Variants in TMEM128 observed in about 807,000 individuals in gnomAD.
TMEM128 encodes the protein transmembrane protein 128.
Under a neutral mutation model 19.7 loss-of-function variants are expected in TMEM128, and 16 were observed. The ratio of observed to expected loss-of-function variants is 0.81; its 90% CI spans 0.55 to 1.23. The LOEUF is 1.23. Among genes scored for constraint, TMEM128 ranks in the 50% most tolerant of loss-of-function variants. The probability of loss-of-function intolerance (pLI) is 0.00; values close to 1 mark genes in which losing one functional copy is unlikely to be tolerated. For missense variants in TMEM128, 237 were observed against 200.8 expected, an observed-to-expected ratio of 1.18 and a Z score of -1.09; for synonymous variants, 98 against 75.8, an observed-to-expected ratio of 1.29 and a Z score of -1.52.
At position 4,240,436 on chromosome 4, in the gene TMEM128, T is replaced by A; in HGVS notation, c.283A>T (p.Ile95Phe). 1 of 1,613,864 alleles carries A rather than the reference T, an allele frequency of 6.2e-7. No homozygotes were observed. The highest frequency in any genetic ancestry group is 8.5e-7 in the Non-Finnish European group (1 of 1,179,824). ...GSALLLVSLSIAFYCIVYLEW... is the reference protein window; with the variant it reads ...GSALLLVSLSFAFYCIVYLEW... ...AGGTAGACTATGCAGTAAAATGCAA[T>A]TGATAAACTGACAAGCAACAAGGCA... is the stretch of plus-strand genomic sequence containing the variant. The change falls in exon 3 of 5, where the codon ATT becomes TTT. Residue 95 changes from isoleucine (I) to phenylalanine (F), a missense_variant. Physicochemically the swap from Ile to Phe is conservative, Grantham distance 21 (BLOSUM62 0). Coordinates refer to ENST00000382753, the MANE Select transcript of TMEM128 (RefSeq NM_001297551.2).
chr4:4,240,534 T>G (rs190648276), intron 2 of TMEM128, 55 bp from the exon 3 acceptor site: 90 of 1,550,686 alleles, frequency 5.8e-5, no homozygotes, highest in Non-Finnish European at 7.3e-5. Context: ...TCGTCACATA[T>G]CTTAAAAGTT....
rs1313212275 is a variant in TMEM128, at chr4:4,248,189, C to T, written c.14G>A (p.Arg5Gln). Residue 5 changes from arginine to glutamine, a missense_variant, in exon 1 of 5, where the codon CGG (arginine) becomes CAG (glutamine). Physicochemically the swap from Arg to Gln is conservative, Grantham distance 43. Transcript: ENST00000382753. ...TCGCCGCCGGAGCTGCTGCCGGGCC[C>T]GCGAGGAGTCCATCTTGGTACCGCC... MDSS[R>Q]ARQQLRRRFL... 2 of 1,525,290 alleles carry T rather than the reference C, an allele frequency of 1.3e-6. No individual in the cohort carries two copies. Among genetic ancestry groups the T allele is most frequent in the Non-Finnish European group, 1.8e-6 (2 of 1,136,930 alleles). 94.5% of individuals were successfully genotyped at this position (1,525,290 alleles called of 1,614,324 possible).
chr4:4,235,838 C>T lies in TMEM128; in HGVS notation c.*428G>A, dbSNP rs1044716. 26,132 of 152,596 alleles carry T rather than the reference C, an allele frequency of 0.17. 2,318 individuals carry two copies. The highest frequency in any genetic ancestry group is 0.28 in the East Asian group (1,470 of 5,182). The allele number at this position is 152,596 out of a possible 1,614,324, so 9.5% of individuals were successfully genotyped here. Reference sequence around the variant, plus strand: ...ATCCCTTAAATGGAAGAGTGAACTACTTGTTTAAAATATTAACAGTGCACT... The same window carrying T: ...ATCCCTTAAATGGAAGAGTGAACTATTTGTTTAAAATATTAACAGTGCACT... On this transcript the variant is annotated 3_prime_UTR_variant, in exon 5 of 5. Transcript: ENST00000382753.
intron 4 of TMEM128, among the ~76,000 whole-genome samples, 198 bp downstream of exon 4, chr4:4,237,629 G>A (rs1717773504): frequency 6.6e-6 from 1 of 152,202 alleles, no homozygotes; most frequent in Non-Finnish European, 1.5e-5. Context: ...GGACAACAGA[G>A]TGAGAAGCTG....
chr4:4,247,864 T>C (rs1577201025), intron 1 of TMEM128: 1 of 1,429,466 alleles, frequency 7.0e-7, no homozygotes, highest in Non-Finnish European at 9.1e-7. Flanking sequence ...AACTGGTGGG[T>C]ATTTTTAATT....
chr4:4,246,896 T>G (rs909015855), intron 1 of TMEM128, among the ~76,000 whole-genome samples: 7 of 151,972 alleles, frequency 4.6e-5, no homozygotes, highest in African/African-American at 1.7e-4. Context: ...TACAGGCGCC[T>G]GCCACCACGC....
At chr4:4,246,701 CATTAGCGCATGA>C (rs1489220855) in intron 1 of TMEM128, among the ~76,000 whole-genome samples, 1 of 152,140 alleles carries the variant, frequency 6.6e-6, no homozygotes, top group Non-Finnish European at 1.5e-5. Flanking sequence ...CAAAGGCAAA[CATTAGCGCATGA>C]ACTGGACTTG....
At chr4:4,238,772 G>A (rs769793218) in intron 3 of TMEM128, among the ~76,000 whole-genome samples, 37 of 152,136 alleles carry the variant, frequency 2.4e-4, no homozygotes, top group Non-Finnish European at 5.0e-4. Context: ...GGTGGCGCAC[G>A]CCTGTAATCC....
chr4:4,247,993 G>T lies in TMEM128; in HGVS notation c.97+113C>A, dbSNP rs941553948. The T allele has an allele frequency of 8.2e-6, 12 of 1,461,906 alleles. No individual in the cohort carries two copies. The Admixed American group carries it at 1.0e-4, about 13-fold the overall frequency. The allele number at this position is 1,461,906 out of a possible 1,614,324, so 90.6% of individuals were successfully genotyped here. On this transcript the variant is annotated intron_variant, in intron 1 of 4. Transcript: ENST00000382753. ...GGATCTTCCCTGACATTAAATATTCGACTTGCAAAGCCGAAACTCAGTCCT... is the reference window on the plus strand; with the variant it reads ...GGATCTTCCCTGACATTAAATATTCTACTTGCAAAGCCGAAACTCAGTCCT...
intron 4 of TMEM128, chr4:4,237,169 A>C: frequency 4.7e-6 from 2 of 422,824 alleles, no homozygotes; most frequent in Non-Finnish European, 9.4e-6. Flanking sequence ...AATAATTAGA[A>C]GATGGCAGAA....
rs1006656011 is a variant in TMEM128 at position 4,246,308 on chromosome 4, G to A, written c.133C>T (p.Leu45Phe). 2 of 1,612,272 alleles carry A rather than the reference G, an allele frequency of 1.2e-6. No homozygotes were observed. Among genetic ancestry groups the A allele is most frequent in the African/African-American group, 2.7e-5 (2 of 74,856 alleles). The change falls in exon 2 of 5, where the codon CTT (leucine) becomes TTT (phenylalanine). Residue 45 changes from leucine to phenylalanine, a missense_variant. Coordinates refer to ENST00000382753, the MANE Select transcript of TMEM128 (RefSeq NM_001297551.2). Reference protein sequence around the residue: ...STAVEKKEKPLPRLNIHSGFW... With the variant: ...STAVEKKEKPFPRLNIHSGFW... ...CCAGAATGGATATTAAGTCTTGGAA[G>A]AGGTTTCTCCTTTTTCTCAACAGCT...
At chr4:4,240,656 GAA>G (rs1048646390) in intron 2 of TMEM128, among the ~76,000 whole-genome samples, 177 bp from the exon 3 acceptor site, 11 of 152,290 alleles carry the variant, frequency 7.2e-5, no homozygotes, top group African/African-American at 2.6e-4. Context: ...ATGGGGGTGA[GAA>G]AAAGAGATAC....
chr4:4,239,591 A>G (rs767049390), intron 3 of TMEM128, among the ~76,000 whole-genome samples: 5 of 152,236 alleles, frequency 3.3e-5, no homozygotes, highest in Non-Finnish European at 7.3e-5. Context: ...TCACTGTGCT[A>G]CAAGAGCCAT....
chr4:4,242,110 A>G (rs66539462), intron 2 of TMEM128, among the ~76,000 whole-genome samples: 46,996 of 151,890 alleles, frequency 0.31, 7,887 homozygotes, highest in East Asian at 0.46. Context: ...CCATGTCCAT[A>G]TTGGCCAGGC....
intron 2 of TMEM128, among the ~76,000 whole-genome samples, chr4:4,243,670 C>G (rs1718052721): frequency 6.6e-6 from 1 of 152,092 alleles, no homozygotes; most frequent in African/African-American, 2.4e-5. Flanking sequence ...GCATTTCTGC[C>G]TTTTTCTCTC....
chr4:4,235,981 T>TA lies in TMEM128; in HGVS notation c.*284dup, dbSNP rs1350194393. On this transcript the variant is annotated 3_prime_UTR_variant, in exon 5 of 5. Coordinates refer to ENST00000382753, the MANE Select transcript of TMEM128 (RefSeq NM_001297551.2). ...ATAATTTATGCATATGCAAGTGAAATATAATTTATTCTGGTTTCAACAACA... is the reference window on the plus strand; with the variant it reads ...ATAATTTATGCATATGCAAGTGAAATAATAATTTATTCTGGTTTCAACAACA... 1.3e-5 allele frequency: 2 copies of TA among 152,242 alleles called. No individual in the cohort carries two copies. Among genetic ancestry groups the TA allele is most frequent in the Non-Finnish European group, 2.9e-5 (2 of 68,050 alleles). The allele number at this position is 152,242 out of a possible 1,614,324, so 9.4% of individuals were successfully genotyped here. A position where few individuals can be genotyped will look rare whatever the true frequency, so the allele number is the denominator to read the frequency against.
At chr4:4,237,999 A>C in intron 3 of TMEM128, 64 bp from the exon 4 acceptor site, 9 of 1,074,236 alleles carry the variant, frequency 8.4e-6, no homozygotes, top group Non-Finnish European at 1.2e-5. Context: ...TTATTCTAGA[A>C]TCCAGATTTA....
intron 2 of TMEM128, among the ~76,000 whole-genome samples, chr4:4,243,324 C>T (rs750566270): frequency 5.9e-5 from 9 of 152,212 alleles, no homozygotes; most frequent in Non-Finnish European, 1.3e-4. Context: ...CCTCGTGATC[C>T]GCCCGCCTCG....
intron 2 of TMEM128, 55 bp downstream of exon 2, chr4:4,246,147 A>G: frequency 1.9e-6 from 3 of 1,546,126 alleles, no homozygotes; most frequent in South Asian, 2.5e-5. Flanking sequence ...CTAACAAAAT[A>G]TAACACGAAA....
Sources: gnomAD v4.1 joint callset for allele counts (sites outside exome capture counted in the v4.1 genomes callset) on GRCh38, gnomAD v4.1.1 for gene constraint, MANE v1.5 for transcripts, NCBI Gene and HGNC (gene_info 2026-07-23, HGNC 2026-07-21) for gene names.